SENP7: variants seen among roughly 807,000 people sequenced by gnomAD.
SENP7 encodes SUMO specific peptidase 7.
Under a neutral mutation model 141.2 loss-of-function variants are expected in SENP7, and 64 were observed. The observed-to-expected ratio is 0.45, with a 90% CI of 0.37 to 0.56. SENP7 has a LOEUF of 0.56. SENP7 is among the 20% of genes least tolerant of loss of function. SENP7 has a pLI of 0.00. For synonymous variants in SENP7, 382 were observed against 426.4 expected (o/e 0.90, Z 1.28); for missense variants, 1,025 against 1,212.2 (o/e 0.85, Z 2.29).
intron 3 of SENP7, among the ~76,000 whole-genome samples, chr3:101,470,013 G>A (rs1410701807): frequency 1.3e-5 from 2 of 152,092 alleles, no homozygotes; most frequent in African/African-American, 4.8e-5. Context: ...AAATAAAGAT[G>A]TTCTTTGAAA....
chr3:101,411,048 A>AC (rs2107629400), intron 5 of SENP7, among the ~76,000 whole-genome samples: 1 of 152,166 alleles, frequency 6.6e-6, no homozygotes, highest in South Asian at 2.1e-4. Context: ...TTCTTATTTT[A>AC]CCACCTTATA....
intron 5 of SENP7, among the ~76,000 whole-genome samples, chr3:101,411,445 G>A (rs954001119): frequency 6.6e-6 from 1 of 152,130 alleles, no homozygotes; most frequent in African/African-American, 2.4e-5. Context: ...GCTCTTCATA[G>A]CACACAGCCA....
chr3:101,449,696 CCCTACAACAGCTCCTGA>C (rs1355836863), intron 4 of SENP7, among the ~76,000 whole-genome samples: 1 of 152,180 alleles, frequency 6.6e-6, no homozygotes, highest in African/African-American at 2.4e-5. Flanking sequence ...ACCAGGCCTG[CCCTACAACAGCTCCTGA>C]TGGAAGCACT....
At chr3:101,412,480 CT>C (rs1475790356) in intron 5 of SENP7, among the ~76,000 whole-genome samples, 1 of 152,028 alleles carries the variant, frequency 6.6e-6, no homozygotes, top group Non-Finnish European at 1.5e-5. Flanking sequence ...CTTTAAAAAT[CT>C]TAAAATGACA....
intron 5 of SENP7, among the ~76,000 whole-genome samples, chr3:101,405,797 C>G (rs906547705): frequency 1.3e-5 from 2 of 152,166 alleles, no homozygotes; most frequent in African/African-American, 4.8e-5. Context: ...TGGAAAGTCT[C>G]AGCAATAGAA....
chr3:101,373,692 A>G (rs2060241233), intron 6 of SENP7, among the ~76,000 whole-genome samples: 1 of 152,238 alleles, frequency 6.6e-6, no homozygotes, highest in Non-Finnish European at 1.5e-5. Flanking sequence ...AAAAATAAAA[A>G]TGAGTATTTT....
chr3:101,423,415 G>T (rs916548128), intron 4 of SENP7, among the ~76,000 whole-genome samples: 3 of 152,146 alleles, frequency 2.0e-5, no homozygotes, highest in African/African-American at 7.2e-5. Context: ...TGTTGGCAGG[G>T]GTGTGGAGAA....
At chr3:101,451,876 G>A (rs963467212) in intron 4 of SENP7, among the ~76,000 whole-genome samples, 3 of 152,188 alleles carry the variant, frequency 2.0e-5, no homozygotes, top group East Asian at 1.9e-4. Context: ...AATCAGGCAA[G>A]AGAAGGAAAT....
chr3:101,369,839 T>A (rs1429253266), intron 7 of SENP7, among the ~76,000 whole-genome samples: 3 of 152,144 alleles, frequency 2.0e-5, no homozygotes, highest in Non-Finnish European at 4.4e-5. Context: ...TCCACCTGCA[T>A]AATATATAAT....
rs372177364 is a variant in SENP7 at position 101,347,960 on chromosome 3, C to A, written c.1749G>T (p.Arg583Ser). The change falls in exon 13 of 24, where the codon AGG becomes AGT. Residue 583 changes from arginine to serine, a missense_variant. Physicochemically the swap from Arg to Ser is moderately radical, Grantham distance 110. Around this residue, in one of 4 missense-constraint regions of SENP7, gnomAD observed 228 missense variants for 228.5 expected, o/e 1.00. Coordinates refer to ENST00000394095, the MANE Select transcript of SENP7 (RefSeq NM_020654.5). ...WKSKDDNHSKRSHAILFFWVS... is the reference protein window; with the variant it reads ...WKSKDDNHSKSSHAILFFWVS... Reference sequence around the variant, plus strand: ...CCCAGAAGAAAAGAATAGCATGACTCCTTTTACTGTGATTATCATCCTTAC... The same window carrying A: ...CCCAGAAGAAAAGAATAGCATGACTACTTTTACTGTGATTATCATCCTTAC... 1 of 1,609,600 alleles carries A rather than the reference C, an allele frequency of 6.2e-7. No individual in the cohort carries two copies. Among genetic ancestry groups the A allele is most frequent in the Admixed American group, 1.7e-5 (1 of 59,898 alleles).
intron 6 of SENP7, among the ~76,000 whole-genome samples, chr3:101,385,278 C>T (rs560472477): frequency 6.6e-6 from 1 of 152,178 alleles, no homozygotes; most frequent in South Asian, 2.1e-4. Flanking sequence ...AGTGAACACA[C>T]CCCACAACCT....
At position 101,417,573 on chromosome 3, in the gene SENP7, A is replaced by G. The variant is rs2061661487; in HGVS notation, c.482+20T>C. Reference sequence around the variant, plus strand: ...TTTCAAATGTGGTAAGTTGAACAAAATCAATACTGAACAACATACCTTTCA... The same window carrying G: ...TTTCAAATGTGGTAAGTTGAACAAAGTCAATACTGAACAACATACCTTTCA... On this transcript the variant is annotated intron_variant, in intron 5 of 23. Transcript: ENST00000394095. 1.3e-6 allele frequency: 2 copies of G among 1,589,458 alleles called. No homozygotes were observed. The highest frequency in any genetic ancestry group is 2.2e-5 in the South Asian group (2 of 90,520).
rs564325941 is a variant in SENP7 at position 101,355,946 on chromosome 3, T to C, written c.1624-4295A>G. Among the ~76,000 whole-genome samples the C allele has an allele frequency of 2.4e-4, 37 of 152,274 alleles. No individual in the cohort carries two copies. In the South Asian group the frequency reaches 7.0e-3, roughly 29 times the overall value. ...TCACCTCCCTGGTTAGCTGTATTCA[T>C]AGGTATTTTATTCATTTTGTGGCAA... is the stretch of plus-strand genomic sequence containing the variant. On this transcript the variant is annotated intron_variant, in intron 11 of 23. Coordinates refer to ENST00000394095, the MANE Select transcript of SENP7 (RefSeq NM_020654.5).
intron 6 of SENP7, among the ~76,000 whole-genome samples, chr3:101,383,233 T>C (rs1326680683): frequency 3.3e-5 from 5 of 152,186 alleles, no homozygotes. Context: ...CTCCCCACTC[T>C]TTCTCTTGCT....
At chr3:101,382,023 G>T (rs1334494641) in intron 6 of SENP7, among the ~76,000 whole-genome samples, 1 of 152,082 alleles carries the variant, frequency 6.6e-6, no homozygotes, top group Non-Finnish European at 1.5e-5. Flanking sequence ...AAAGCTTTGG[G>T]CTCCCTCTGT....
rs79238405 is a variant in SENP7 at position 101,353,401 on chromosome 3, A to G, written c.1624-1750T>C. Among the ~76,000 whole-genome samples the G allele has an allele frequency of 5.5e-3, 835 of 152,062 alleles. 8 individuals carry two copies. Among genetic ancestry groups the G allele is most frequent in the African/African-American group, 0.019 (781 of 41,548 alleles). ...TTCCCCCATCAAATGCTCGGGAGCT[A>G]TCAAATGTTTCTACTTGGCAAGGAT... On this transcript the variant is annotated intron_variant, in intron 11 of 23. Transcript: ENST00000394095.
At chr3:101,446,467 T>C (rs1367681033) in intron 4 of SENP7, among the ~76,000 whole-genome samples, 1 of 152,150 alleles carries the variant, frequency 6.6e-6, no homozygotes, top group Non-Finnish European at 1.5e-5. Flanking sequence ...GAATACACAT[T>C]TTTTTCACCA....
At chr3:101,359,686 T>C (rs951076318) in intron 11 of SENP7, among the ~76,000 whole-genome samples, 2 of 152,042 alleles carry the variant, frequency 1.3e-5, no homozygotes, top group East Asian at 1.9e-4. Flanking sequence ...AATGAAATTA[T>C]GGTAAGTTAC....
At chr3:101,424,297 T>C (rs1222148277) in intron 4 of SENP7, among the ~76,000 whole-genome samples, 1 of 151,776 alleles carries the variant, frequency 6.6e-6, no homozygotes, top group Admixed American at 6.5e-5. Context: ...CAGCTTCCCC[T>C]TGGCCCATGG....
Sources: gnomAD v4.1 joint callset for allele counts (sites outside exome capture counted in the v4.1 genomes callset) on GRCh38, gnomAD v4.1.1 for gene constraint, gnomAD v4.1.1 regional missense constraint, MANE v1.5 for transcripts, NCBI Gene and HGNC (gene_info 2026-07-23, HGNC 2026-07-21) for gene names.